Variants in CCDC28B observed in about 807,000 individuals in gnomAD.
CCDC28B encodes the protein coiled-coil domain-containing protein 28B.
A neutral mutation model predicts 18.7 loss-of-function variants in CCDC28B; 17 were observed. The observed-to-expected ratio is 0.91, with a 90% confidence interval of 0.62 to 1.36. CCDC28B has a LOEUF of 1.36. Ranked by LOEUF, CCDC28B falls within the 40% of genes most tolerant of loss-of-function variation. The pLI, the probability that CCDC28B is intolerant of heterozygous loss-of-function variation, is 0.00. For missense variants in CCDC28B, 213 were observed against 251.7 expected (o/e 0.85, Z 1.04); for synonymous variants, 116 against 105.1 (o/e 1.10, Z -0.64).
At chr1:32,200,980 T>A (rs537021926) in intron 1 of CCDC28B, among the ~76,000 whole-genome samples, 23 of 152,194 alleles carry the variant, frequency 1.5e-4, no homozygotes, top group Middle Eastern at 6.8e-3. Context: ...GCAGACCCCG[T>A]CAGTGGCAGC....
intron 2 of CCDC28B, chr1:32,202,947 A>G (rs925107103): frequency 6.6e-6 from 1 of 152,368 alleles, no homozygotes; most frequent in East Asian, 1.9e-4. Flanking sequence ...CAGCTTGGTC[A>G]ACATGGTGAA....
At chr1:32,196,708 T>G (rs1379644514), upstream of CCDC28B, 1 of 152,230 alleles carries the variant, frequency 6.6e-6, no homozygotes, top group Non-Finnish European at 1.5e-5. Flanking sequence ...GGGCTTTGCT[T>G]CTTGCTGTTT....
chr1:32,201,610 C>T (rs1421167722), intron 1 of CCDC28B: 1 of 232,866 alleles, frequency 4.3e-6, no homozygotes, highest in Non-Finnish European at 8.3e-6. Flanking sequence ...CTGCCAGCCC[C>T]GCCCCCCAGC....
chr1:32,204,246 G>C lies in CCDC28B; in HGVS notation c.392G>C (p.Arg131Pro). 2.5e-6 allele frequency: 4 copies of C among 1,614,086 alleles called. No homozygotes were observed. Among genetic ancestry groups the C allele is most frequent in the Non-Finnish European group, 2.5e-6 (3 of 1,180,008 alleles). ...CGGGAGATGCAGGAGAAGCTAGCCC[G>C]GCTGCACTTCAGCCTGGATGTGTGT... is the stretch of plus-strand genomic sequence containing the variant. ...HVREMQEKLA[R>P]LHFSLDVCGE... The change falls in exon 4 of 6, where the codon CGG becomes CCG. Residue 131 changes from arginine (R) to proline (P), a missense_variant. Transcript: ENST00000373602.
At chr1:32,204,449 C>T in intron 4 of CCDC28B, 70 bp downstream of exon 4, 2 of 1,518,824 alleles carry the variant, frequency 1.3e-6, no homozygotes, top group Non-Finnish European at 1.8e-6. Flanking sequence ...CTCCCAAAGC[C>T]ATTCCTGGGC....
intron 2 of CCDC28B, 113 bp from the exon 3 acceptor site, chr1:32,203,766 A>C (rs1311181659): frequency 1.3e-6 from 1 of 773,906 alleles, no homozygotes; most frequent in Non-Finnish European, 1.9e-6. Flanking sequence ...AGATGGGCAG[A>C]TGAGTTAGTG....
At chr1:32,201,864 AG>A in intron 1 of CCDC28B, 48 bp from the exon 2 acceptor site, 1 of 1,473,642 alleles carries the variant, frequency 6.8e-7, no homozygotes, top group African/African-American at 1.4e-5. Flanking sequence ...TTCTGGGTGA[AG>A]GGCTAACTTT....
At chr1:32,199,658 AG>A (rs1242177888), upstream of CCDC28B, among the ~76,000 whole-genome samples, 2 of 152,212 alleles carry the variant, frequency 1.3e-5, no homozygotes, top group African/African-American at 4.8e-5. Context: ...AGGTGCCCTC[AG>A]GAGCAGTGCC....
chr1:32,203,832 C>G, intron 2 of CCDC28B, 47 bp from the exon 3 acceptor site: 1 of 1,448,164 alleles, frequency 6.9e-7, no homozygotes. Context: ...CGGGAGGTGC[C>G]TGACTGCCCC....
At chr1:32,199,809 GCCTCTCT>G (rs1483205811), upstream of CCDC28B, among the ~76,000 whole-genome samples, 1 of 152,216 alleles carries the variant, frequency 6.6e-6, no homozygotes, top group Non-Finnish European at 1.5e-5. Flanking sequence ...CCAAACATGA[GCCTCTCT>G]CCTGTTGTAT....
In CCDC28B at chr1:32,201,999, G is replaced by T; in HGVS notation, c.64G>T (p.Gly22Cys). ...CCTGGCCCAGCCAGCCCAGGCCCCA[G>T]GCACACTACGGAGGGTCCCTGTGCC... ...PCLAQPAQAP[G>C]TLRRVPVPTS... is the part of the protein sequence containing the mutation. Residue 22 changes from glycine to cysteine, a missense_variant, in exon 2 of 6, where the codon GGC (glycine) becomes TGC (cysteine). By Grantham distance (159) the Gly-to-Cys change is radical. Transcript: ENST00000373602. The T allele has an allele frequency of 1.2e-6, 2 of 1,613,932 alleles. No homozygotes were observed. The highest frequency in any genetic ancestry group is 1.7e-6 in the Non-Finnish European group (2 of 1,179,960).
chr1:32,205,103 G>A lies in CCDC28B; in HGVS notation c.549-91G>A, dbSNP rs1643281039. 1.3e-6 allele frequency: 2 copies of A among 1,512,488 alleles called. No homozygotes were observed. The highest frequency in any genetic ancestry group is 1.8e-6 in the Non-Finnish European group (2 of 1,106,090). The allele number at this position is 1,512,488 out of a possible 1,614,324, so 93.7% of individuals were successfully genotyped here. The stretch of plus-strand genomic sequence containing the variant: ...CCGAGACCCTCGTCCCCGGCCCTTT[G>A]CACAGGTGAGGGAACTAAACCTGTG... On this transcript the variant is annotated intron_variant, in intron 5 of 5. Coordinates refer to ENST00000373602, the MANE Select transcript of CCDC28B (RefSeq NM_024296.5). This position sits in a 1 kb window ranked among gnomAD's most constrained non-coding sequence, Gnocchi z 5.6.
chr1:32,202,568 T>TC, intron 2 of CCDC28B: 1 of 340,820 alleles, frequency 2.9e-6, no homozygotes, highest in Non-Finnish European at 5.8e-6. Flanking sequence ...CCATGTTTGT[T>TC]CCCCACTAAA....
intron 5 of CCDC28B, 93 bp downstream of exon 5, chr1:32,204,713 ACTTCCC>A (rs1222423429): frequency 6.2e-7 from 1 of 1,613,924 alleles, no homozygotes; most frequent in African/African-American, 1.3e-5. Flanking sequence ...CACACAACCA[ACTTCCC>A]CACCTCTTGC....
upstream of CCDC28B, chr1:32,196,159 G>C (rs1423218391): frequency 6.4e-6 from 1 of 156,414 alleles, no homozygotes; most frequent in Non-Finnish European, 1.4e-5. Context: ...TGTTTGGTGA[G>C]ATCAGGTTGT....
chr1:32,197,339 G>A (rs1643047666), upstream of CCDC28B: 1 of 152,380 alleles, frequency 6.6e-6, no homozygotes, highest in Non-Finnish European at 1.5e-5. This position sits in a 1 kb window ranked among gnomAD's most constrained non-coding sequence, Gnocchi z 4.6. Flanking sequence ...TCCCAGTGTG[G>A]TGGTGTAGGA....
Position 32,204,221 on chromosome 1 carries a change from C to T in CCDC28B, c.367C>T (p.Arg123Trp), listed in dbSNP as rs535125110. ...ECSFEQLEHV[R>W]EMQEKLARLH... ...CTCCTTTGAGCAGCTGGAGCACGTT[C>T]GGGAGATGCAGGAGAAGCTAGCCCG... The change falls in exon 4 of 6, where the codon CGG becomes TGG. Residue 123 changes from arginine to tryptophan, a missense_variant. Arg to Trp is a moderately radical substitution (Grantham distance 101). Transcript: ENST00000373602. 24 of 1,613,850 alleles carry T rather than the reference C, an allele frequency of 1.5e-5. No homozygotes were observed. The highest frequency in any genetic ancestry group is 6.7e-5 in the Admixed American group (4 of 59,986).
At chr1:32,196,556 A>G (rs1217715798), upstream of CCDC28B, 1 of 152,248 alleles carries the variant, frequency 6.6e-6, no homozygotes, top group African/African-American at 2.4e-5. Flanking sequence ...ACTCCAGTAC[A>G]TAACTACTAT....
chr1:32,201,934 C>T lies in CCDC28B; in HGVS notation c.-2C>T, dbSNP rs1164856719. ...CTAGGCCTGAGGCCCAGCCAGCGCC[C>T]AATGGATGACAAAAAGAAGAAACGG... On this transcript the variant is annotated 5_prime_UTR_variant, in exon 2 of 6. Transcript: ENST00000373602. The T allele has an allele frequency of 1.3e-6, 2 of 1,596,558 alleles. No homozygotes were observed. Among genetic ancestry groups the T allele is most frequent in the Non-Finnish European group, 1.7e-6 (2 of 1,173,210 alleles).
Sources: gnomAD v4.1 joint callset for allele counts (sites outside exome capture counted in the v4.1 genomes callset) on GRCh38, gnomAD v4.1.1 for gene constraint, Gnocchi (gnomAD v3.1) non-coding constraint, MANE v1.5 for transcripts, NCBI Gene and HGNC (gene_info 2026-07-23, HGNC 2026-07-21) for gene names.